ARHGDIB: variants seen among roughly 807,000 people sequenced by gnomAD.
ARHGDIB encodes rho GDP-dissociation inhibitor 2.
ARHGDIB carries 20 observed loss-of-function variants against 22.6 expected under a neutral mutation model. The observed-to-expected ratio is 0.88, with a 90% CI of 0.62 to 1.28. The LOEUF is 1.28. Ranked by LOEUF, ARHGDIB falls within the 50% of genes most tolerant of loss-of-function variation. The pLI, the probability that ARHGDIB is intolerant of heterozygous loss-of-function variation, is 0.00. For synonymous variants in ARHGDIB, 114 were observed against 96.1 expected, an observed-to-expected ratio of 1.19 and a Z score of -1.09; for missense variants, 254 against 245.4, an observed-to-expected ratio of 1.04 and a Z score of -0.23.
At chr12:14,952,601 G>C (rs1250538666) in intron 1 of ARHGDIB, among the ~76,000 whole-genome samples, 6 of 152,200 alleles carry the variant, frequency 3.9e-5, no homozygotes. Context: ...GAAGGAGGCA[G>C]CGTGTAGATG....
intron 4 of ARHGDIB, among the ~76,000 whole-genome samples, chr12:14,946,696 G>C (rs1322743410): frequency 6.6e-6 from 1 of 152,188 alleles, no homozygotes; most frequent in East Asian, 1.9e-4. Context: ...CAGAGGAGAA[G>C]CCCCTGTTCC....
intron 1 of ARHGDIB, among the ~76,000 whole-genome samples, chr12:14,959,971 A>G (rs1357949298): frequency 6.6e-6 from 1 of 152,228 alleles, no homozygotes; most frequent in Non-Finnish European, 1.5e-5. Flanking sequence ...TTAAAAAAAC[A>G]CAAAGCCAAT....
intron 3 of ARHGDIB, among the ~76,000 whole-genome samples, chr12:14,949,350 A>G (rs112586694): frequency 4.9e-4 from 75 of 152,326 alleles, no homozygotes; most frequent in African/African-American, 1.7e-3. Context: ...TCAAGCTAAA[A>G]CAATTCAATC....
intron 1 of ARHGDIB, among the ~76,000 whole-genome samples, chr12:14,952,354 C>A (rs554889595): frequency 5.9e-5 from 9 of 151,268 alleles, no homozygotes; most frequent in Admixed American, 2.0e-4. Context: ...AATAAGCAGC[C>A]AAACATTATG....
intron 1 of ARHGDIB, among the ~76,000 whole-genome samples, chr12:14,958,199 C>T (rs1864340186): frequency 6.6e-6 from 1 of 152,124 alleles, no homozygotes; most frequent in Non-Finnish European, 1.5e-5. Context: ...CACCAGAAGC[C>T]TTCTTGGTTC....
At chr12:14,960,010 T>A (rs1049269639) in intron 1 of ARHGDIB, among the ~76,000 whole-genome samples, 11 of 152,250 alleles carry the variant, frequency 7.2e-5, no homozygotes, top group African/African-American at 2.7e-4. Flanking sequence ...TGCTAGGGAC[T>A]GGACCTCTGC....
At chr12:14,954,292 C>T (rs184792150) in intron 1 of ARHGDIB, among the ~76,000 whole-genome samples, 92 of 152,268 alleles carry the variant, frequency 6.0e-4, no homozygotes, top group African/African-American at 1.9e-3. Context: ...CCTGGAGCTC[C>T]ACCAGATCAT....
chr12:14,953,934 CTTCCTTCCTTCCTTTCTTCT>C (rs1373951531), intron 1 of ARHGDIB, among the ~76,000 whole-genome samples: 1 of 141,712 alleles, frequency 7.1e-6, no homozygotes, highest in Non-Finnish European at 1.5e-5. Context: ...TCTTTCCTTC[CTTCCTTCCTTCCTTTCTTCT>C]TTCCTTCCTT....
chr12:14,957,206 T>C (rs1864320868), intron 1 of ARHGDIB, among the ~76,000 whole-genome samples: 1 of 152,208 alleles, frequency 6.6e-6, no homozygotes, highest in Admixed American at 6.5e-5. Flanking sequence ...CTCAGTTTTA[T>C]CACCACTAAA....
chr12:14,950,550 C>T lies in ARHGDIB; in HGVS notation c.163G>A (p.Asp55Asn). Residue 55 changes from aspartate (D) to asparagine (N), a missense_variant, in exon 2 of 6, where the codon GAT becomes AAT. Asp to Asn is a conservative substitution (Grantham distance 23). Coordinates refer to ENST00000228945, the MANE Select transcript of ARHGDIB (RefSeq NM_001175.7). Reference sequence around the variant, plus strand: ...CACATACCTGTCACCACAGGACCATCTCCCAGCAGCGTTTTCTTGTACTTA... The same window carrying T: ...CACATACCTGTCACCACAGGACCATTTCCCAGCAGCGTTTTCTTGTACTTA... ...LIKYKKTLLG[D>N]GPVVTDPKAP... is the part of the protein sequence containing the mutation. The T allele has an allele frequency of 6.2e-7, 1 of 1,613,528 alleles. No individual in the cohort carries two copies. Among genetic ancestry groups the T allele is most frequent in the Non-Finnish European group, 8.5e-7 (1 of 1,179,618 alleles).
intron 1 of ARHGDIB, among the ~76,000 whole-genome samples, chr12:14,960,630 A>G (rs1319061408): frequency 6.6e-6 from 1 of 152,088 alleles, no homozygotes; most frequent in Non-Finnish European, 1.5e-5. Flanking sequence ...CAGCCTCCCA[A>G]ATAACTGGGA....
intron 5 of ARHGDIB, among the ~76,000 whole-genome samples, chr12:14,943,377 G>GTTTTTTT (rs10713403): frequency 2.1e-5 from 3 of 143,908 alleles, no homozygotes; most frequent in African/African-American, 7.8e-5. Context: ...GATTAAGCCT[G>GTTTTTTT]TTTTTTTTTT....
intron 1 of ARHGDIB, among the ~76,000 whole-genome samples, chr12:14,954,604 G>A (rs752919129): frequency 2.5e-4 from 38 of 152,144 alleles, no homozygotes; most frequent in African/African-American, 6.8e-4. Context: ...CAACCACTGC[G>A]GATCTGAGTT....
At chr12:14,959,730 C>G (rs145830744) in intron 1 of ARHGDIB, among the ~76,000 whole-genome samples, 231 of 152,274 alleles carry the variant, frequency 1.5e-3, no homozygotes, top group Middle Eastern at 6.8e-3. Context: ...CCCTAGGGGA[C>G]AAACTCATGC....
intron 1 of ARHGDIB, among the ~76,000 whole-genome samples, chr12:14,958,344 C>T (rs1292772279): frequency 2.0e-5 from 3 of 152,134 alleles, no homozygotes; most frequent in African/African-American, 7.2e-5. Flanking sequence ...ATGAGAAAAA[C>T]CAAAGACAAG....
chr12:14,959,761 C>A (rs922280086), intron 1 of ARHGDIB, among the ~76,000 whole-genome samples: 2 of 152,140 alleles, frequency 1.3e-5, no homozygotes, highest in African/African-American at 4.8e-5. Flanking sequence ...AAGGAAGGAC[C>A]AAATTCCAGT....
At chr12:14,957,400 A>G (rs1266017336) in intron 1 of ARHGDIB, among the ~76,000 whole-genome samples, 1 of 152,218 alleles carries the variant, frequency 6.6e-6, no homozygotes, top group African/African-American at 2.4e-5. Context: ...TTTCCACACC[A>G]AATACTTTCC....
At chr12:14,960,919 A>C (rs1864398014) in intron 1 of ARHGDIB, among the ~76,000 whole-genome samples, 2 of 152,192 alleles carry the variant, frequency 1.3e-5, no homozygotes, top group South Asian at 4.1e-4. Context: ...AGTACATAAC[A>C]ATGTGCTATA....
intron 5 of ARHGDIB, among the ~76,000 whole-genome samples, chr12:14,943,395 G>T (rs1413907467): frequency 0.019 from 1,273 of 67,556 alleles, 15 homozygotes; most frequent in African/African-American, 0.045. Flanking sequence ...TTTTTTTGTT[G>T]TTGTTGTTGT....
Sources: gnomAD v4.1 joint callset for allele counts (sites outside exome capture counted in the v4.1 genomes callset) on GRCh38, gnomAD v4.1.1 for gene constraint, MANE v1.5 for transcripts, NCBI Gene and HGNC (gene_info 2026-07-23, HGNC 2026-07-21) for gene names.